The following ANXA3 variants were observed in gnomAD, a reference collection of about 807,000 sequenced individuals.
ANXA3 encodes 35-alpha calcimedin.
In ANXA3, 46 loss-of-function variants were observed where a neutral mutation model predicts 48.8. The ratio of observed to expected loss-of-function variants is 0.94; its 90% confidence interval spans 0.74 to 1.21. ANXA3 has a LOEUF of 1.21. Among genes scored for constraint, ANXA3 ranks in the 50% most tolerant of loss-of-function variants. The pLI, the probability that ANXA3 is intolerant of heterozygous loss-of-function variation, is 0.00. For missense variants in ANXA3, 383 were observed against 378.6 expected (o/e 1.01, Z -0.10); for synonymous variants, 128 against 134.7 (o/e 0.95, Z 0.35).
chr4:78,569,970 C>T (rs1722810686), intron 2 of ANXA3, among the ~76,000 whole-genome samples: 2 of 152,294 alleles, frequency 1.3e-5, no homozygotes, highest in Non-Finnish European at 2.9e-5. Context: ...TTGTAAATCA[C>T]TTTGTTCATG....
At chr4:78,564,039 G>A (rs2109927589) in intron 2 of ANXA3, among the ~76,000 whole-genome samples, 1 of 152,304 alleles carries the variant, frequency 6.6e-6, no homozygotes, top group East Asian at 1.9e-4. Context: ...AAATACTGGT[G>A]CTAGATGACT....
At chr4:78,586,740 AG>A (rs1301426761) in intron 6 of ANXA3, among the ~76,000 whole-genome samples, 1 of 152,226 alleles carries the variant, frequency 6.6e-6, no homozygotes, top group Non-Finnish European at 1.5e-5. Context: ...ATTAATTTAG[AG>A]GATGTGTTGA....
In ANXA3 at chr4:78,554,426, CTTTTAATAGATTAGTGT is replaced by C; in HGVS notation, c.-38-9_-31del. The C allele has an allele frequency of 6.4e-7, 1 of 1,569,418 alleles. No homozygotes were observed. Among genetic ancestry groups the C allele is most frequent in the Non-Finnish European group, 8.8e-7 (1 of 1,140,978 alleles). On this transcript the variant is annotated splice_acceptor_variant and splice_polypyrimidine_tract_variant and 5_prime_UTR_variant and intron_variant, in exon 2 of 13. Coordinates refer to ENST00000264908, the MANE Select transcript of ANXA3 (RefSeq NM_005139.3). LOFTEE classifies it low-confidence loss of function (5UTR_SPLICE). ...ATTGATACCATTTACTAATTGTTTT[CTTTTAATAGATTAGTGT>C]GATCTCAGCTCAAGGCAAAGGTGGG...
intron 9 of ANXA3, among the ~76,000 whole-genome samples, chr4:78,596,143 A>T (rs1723420214): frequency 6.6e-6 from 1 of 152,144 alleles, no homozygotes; most frequent in Admixed American, 6.5e-5. Context: ...GGTGGCAGGG[A>T]GAAGAAAAGA....
At chr4:78,569,474 T>G (rs1359313277) in intron 2 of ANXA3, among the ~76,000 whole-genome samples, 1 of 152,200 alleles carries the variant, frequency 6.6e-6, no homozygotes, top group Non-Finnish European at 1.5e-5. Context: ...AGCGATGAGC[T>G]CATCATTAAA....
chr4:78,599,159 A>G (rs901200070), intron 10 of ANXA3, among the ~76,000 whole-genome samples: 3 of 152,264 alleles, frequency 2.0e-5, no homozygotes, highest in Admixed American at 1.3e-4. Flanking sequence ...AAGTTCACCC[A>G]CTCAAAGTGT....
chr4:78,564,512 C>G (rs1722690597), intron 2 of ANXA3, among the ~76,000 whole-genome samples: 1 of 152,216 alleles, frequency 6.6e-6, no homozygotes, highest in African/African-American at 2.4e-5. Flanking sequence ...GGACTGAGCA[C>G]TGGGCTCCCA....
In ANXA3 at chr4:78,586,268, A is replaced by G; in HGVS notation, c.321A>G (p.Gly107=). The part of the protein sequence containing the change: ...KQLKKSMKGA[G]TNEDALIEIL... ...TTTCTTTTCCTTTTTAGGGCGCGGG[A>G]ACAAACGAAGATGCCTTGATTGAAA... The change falls in exon 6 of 13, where the codon GGA becomes GGG. Residue 107 remains glycine, a synonymous_variant. Coordinates refer to ENST00000264908, the MANE Select transcript of ANXA3 (RefSeq NM_005139.3). 1 of 1,613,542 alleles carries G rather than the reference A, an allele frequency of 6.2e-7. No individual in the cohort carries two copies. The highest frequency in any genetic ancestry group is 8.5e-7 in the Non-Finnish European group (1 of 1,179,662).
chr4:78,591,916 C>G (rs1392299102), intron 7 of ANXA3, among the ~76,000 whole-genome samples: 1 of 152,214 alleles, frequency 6.6e-6, no homozygotes, highest in Non-Finnish European at 1.5e-5. Context: ...CATCATCTGA[C>G]ATACAATATT....
chr4:78,595,273 C>G (rs72659073), intron 7 of ANXA3, 108 bp from the exon 8 acceptor site: 12,911 of 1,186,196 alleles, frequency 0.011, 109 homozygotes, highest in Non-Finnish European at 0.013. Context: ...TCTGTGCAAC[C>G]TGTCCTGCCT....
Position 78,597,341 on chromosome 4 carries a change from C to T in ANXA3, c.657C>T (p.Ile219=). The T allele has an allele frequency of 6.2e-7, 1 of 1,608,870 alleles. No individual in the cohort carries two copies. Among genetic ancestry groups the T allele is most frequent in the Non-Finnish European group, 8.5e-7 (1 of 1,177,446 alleles). Residue 219 remains isoleucine (I), a synonymous_variant, in exon 10 of 13, where the codon ATC becomes ATT. Coordinates refer to ENST00000264908, the MANE Select transcript of ANXA3 (RefSeq NM_005139.3). ...LKLTFDEYRN[I]SQKDIVDSIK... ...TAGCATTTGATGAATACAGAAATAT[C>T]AGCCAAAAGGACATTGTGGACAGCA...
intron 4 of ANXA3, 60 bp downstream of exon 4, chr4:78,579,181 C>T: frequency 8.5e-7 from 1 of 1,177,304 alleles, no homozygotes; most frequent in Non-Finnish European, 1.3e-6. Context: ...TGGTCGCTCC[C>T]ACATGGTTAT....
chr4:78,607,803 G>T (rs7661370), intron 12 of ANXA3, among the ~76,000 whole-genome samples: 16,908 of 152,182 alleles, frequency 0.11, 1,084 homozygotes, highest in East Asian at 0.28. Flanking sequence ...TCTTGAGCCT[G>T]CCTTTCAGGT....
chr4:78,570,500 T>C (rs1284259600), intron 2 of ANXA3, among the ~76,000 whole-genome samples: 1 of 152,202 alleles, frequency 6.6e-6, no homozygotes, highest in Non-Finnish European at 1.5e-5. Context: ...TAGCACCCCA[T>C]CTCTAAAACA....
chr4:78,569,054 A>C (rs1256351768), intron 2 of ANXA3, among the ~76,000 whole-genome samples: 1 of 152,262 alleles, frequency 6.6e-6, no homozygotes, highest in African/African-American at 2.4e-5. Context: ...CGCTTAGCAC[A>C]GTACTTGGCA....
chr4:78,554,299 G>T, intron 1 of ANXA3, 137 bp from the exon 2 acceptor site: 1 of 655,120 alleles, frequency 1.5e-6, no homozygotes, highest in Non-Finnish European at 2.7e-6. Flanking sequence ...CCCAATGTCA[G>T]ATATATGCTC....
chr4:78,607,111 T>C (rs1723664431), intron 12 of ANXA3, among the ~76,000 whole-genome samples: 1 of 152,200 alleles, frequency 6.6e-6, no homozygotes, highest in Non-Finnish European at 1.5e-5. Context: ...CGTTCCCCAG[T>C]GGTCTGGGTA....
intron 12 of ANXA3, among the ~76,000 whole-genome samples, chr4:78,607,673 A>G (rs2109828697): frequency 6.6e-6 from 1 of 152,326 alleles, no homozygotes; most frequent in South Asian, 2.1e-4. Context: ...TGAGGTAGGT[A>G]TGAAGAAACA....
At chr4:78,593,111 T>TA (rs879333205) in intron 7 of ANXA3, among the ~76,000 whole-genome samples, 1,733 of 70,904 alleles carry the variant, frequency 0.024, 11 homozygotes, top group South Asian at 0.039. Context: ...TGAACACACA[T>TA]ACCACACACA....
Sources: gnomAD v4.1 joint callset for allele counts (sites outside exome capture counted in the v4.1 genomes callset) on GRCh38, gnomAD v4.1.1 for gene constraint, MANE v1.5 for transcripts, NCBI Gene and HGNC (gene_info 2026-07-23, HGNC 2026-07-21) for gene names.